Variants in AMZ1 observed in about 807,000 individuals in gnomAD.
AMZ1 encodes the protein archaelysin family metallopeptidase 1.
Under a neutral mutation model 29.9 loss-of-function variants are expected in AMZ1, and 39 were observed. That is an observed-to-expected ratio of 1.30 (90% CI 1.01 to 1.70). The LOEUF (loss-of-function observed/expected upper bound fraction) is 1.70. Ranked by LOEUF, AMZ1 falls within the 40% of genes most tolerant of loss-of-function variation. The pLI is 0.00. For synonymous variants in AMZ1, 458 were observed against 304.0 expected, an observed-to-expected ratio of 1.51 and a Z score of -5.27; for missense variants, 1,041 against 680.6, an observed-to-expected ratio of 1.53 and a Z score of -5.89.
At chr7:2,722,315 T>C (rs1010382475), downstream of AMZ1, among the ~76,000 whole-genome samples, 14 of 151,716 alleles carry the variant, frequency 9.2e-5, no homozygotes, top group Admixed American at 7.9e-4. Flanking sequence ...CTCTCTCGCC[T>C]GGGCTGGAGT....
chr7:2,689,775 C>A lies in AMZ1; in HGVS notation c.-219+1479C>A, dbSNP rs569610780. Reference sequence around the variant, plus strand: ...GGAGGGGGACACACTGTGACAGGGTCCAAAGGACAGCGAGAAACCTCCATC... The same window carrying A: ...GGAGGGGGACACACTGTGACAGGGTACAAAGGACAGCGAGAAACCTCCATC... On this transcript the variant is annotated intron_variant, in intron 1 of 6. Coordinates refer to ENST00000683327, the MANE Select transcript of AMZ1 (RefSeq NM_001384743.1). 2.2e-4 allele frequency among the ~76,000 whole-genome samples: 33 copies of A among 152,302 alleles called. No individual in the cohort carries two copies. In the South Asian group the frequency reaches 6.6e-3, roughly 31 times the overall value.
chr7:2,696,956 C>G (rs921666445), intron 1 of AMZ1, among the ~76,000 whole-genome samples: 1 of 152,114 alleles, frequency 6.6e-6, no homozygotes, highest in Non-Finnish European at 1.5e-5. Context: ...TTCTGCAAAG[C>G]AATTTGCAAT....
chr7:2,710,527 G>T (rs142756845), intron 6 of AMZ1, among the ~76,000 whole-genome samples: 1 of 152,132 alleles, frequency 6.6e-6, no homozygotes, highest in Non-Finnish European at 1.5e-5. Context: ...TGTGGTTCCC[G>T]GACCGAGCCT....
upstream of AMZ1, among the ~76,000 whole-genome samples, chr7:2,761,181 C>A (rs1791536803): frequency 6.6e-6 from 1 of 152,220 alleles, no homozygotes; most frequent in Admixed American, 6.5e-5. Flanking sequence ...AGCCACCGTG[C>A]ACGGCACTGC....
intron 1 of AMZ1, among the ~76,000 whole-genome samples, chr7:2,683,025 A>G (rs1419114697): frequency 6.6e-6 from 1 of 152,176 alleles, no homozygotes; most frequent in African/African-American, 2.4e-5. Context: ...AGCTGCAGAG[A>G]GGCCAAGCCC....
chr7:2,690,363 C>T (rs931973994), intron 1 of AMZ1, among the ~76,000 whole-genome samples: 6 of 152,222 alleles, frequency 3.9e-5, no homozygotes, highest in African/African-American at 7.2e-5. Flanking sequence ...GGACCACAGG[C>T]ATGCACAACC....
downstream of AMZ1, among the ~76,000 whole-genome samples, chr7:2,722,182 G>A (rs1789451986): frequency 6.6e-6 from 1 of 152,206 alleles, no homozygotes; most frequent in African/African-American, 2.4e-5. Context: ...GCCATGAGTA[G>A]GTGCCAAGCT....
downstream of AMZ1, among the ~76,000 whole-genome samples, chr7:2,721,572 C>T (rs893849364): frequency 2.6e-5 from 4 of 152,036 alleles, no homozygotes; most frequent in African/African-American, 7.2e-5. Flanking sequence ...AAAAATTAGC[C>T]AGGTGTGGTG....
intron 6 of AMZ1, among the ~76,000 whole-genome samples, chr7:2,711,197 C>T (rs1788752991): frequency 6.6e-6 from 1 of 152,162 alleles, no homozygotes; most frequent in Non-Finnish European, 1.5e-5. Context: ...TCCAGGGTGG[C>T]CTGGCCCTCC....
At chr7:2,699,393 C>T (rs113362572) in intron 1 of AMZ1, among the ~76,000 whole-genome samples, 11 of 152,274 alleles carry the variant, frequency 7.2e-5, no homozygotes, top group Non-Finnish European at 1.3e-4. Context: ...TGTTGAAATC[C>T]GCTGTTGCTT....
At chr7:2,724,102 T>G (rs798541), downstream of AMZ1, among the ~76,000 whole-genome samples, 105,392 of 146,904 alleles carry the variant, frequency 0.72, 37,987 homozygotes, top group Non-Finnish European at 0.74. Context: ...AGATGGGGAG[T>G]GGGGGGGCGG....
At chr7:2,694,549 C>G (rs997910084) in intron 1 of AMZ1, among the ~76,000 whole-genome samples, 4 of 151,940 alleles carry the variant, frequency 2.6e-5, no homozygotes, top group African/African-American at 9.7e-5. Context: ...TTCTGCCTCC[C>G]GAAGTACTGG....
downstream of AMZ1, among the ~76,000 whole-genome samples, chr7:2,723,553 C>T (rs536345281): frequency 1.3e-5 from 2 of 152,230 alleles, no homozygotes; most frequent in Non-Finnish European, 2.9e-5. Context: ...TGGGAGCCAG[C>T]TGTCGGACTG....
chr7:2,749,103 C>T (rs567372826), intron 4 of AMZ1, among the ~76,000 whole-genome samples: 1,652 of 152,184 alleles, frequency 0.011, 34 homozygotes, highest in African/African-American at 0.037. Flanking sequence ...GTCAGTGTGG[C>T]GATTCCTCAG....
chr7:2,690,401 G>A (rs530149689), intron 1 of AMZ1, among the ~76,000 whole-genome samples: 2 of 152,262 alleles, frequency 1.3e-5, no homozygotes, highest in African/African-American at 2.4e-5. Context: ...AAAATGTTTT[G>A]TAGAGACGGG....
chr7:2,745,121 C>G (rs1790703798), intron 4 of AMZ1, among the ~76,000 whole-genome samples: 1 of 152,134 alleles, frequency 6.6e-6, no homozygotes, highest in African/African-American at 2.4e-5. Flanking sequence ...GAAAACTTCC[C>G]CAATCTAGCA....
rs1449673960 is a variant in AMZ1, at chr7:2,708,675, A to AG, written c.562dup (p.Ala188GlyfsTer36). The AG allele has an allele frequency of 1.2e-6, 2 of 1,613,102 alleles. No individual in the cohort carries two copies. Among genetic ancestry groups the AG allele is most frequent in the Admixed American group, 3.3e-5 (2 of 60,010 alleles). On this transcript the variant is annotated frameshift_variant, in exon 4 of 7. Transcript: ENST00000683327. LOFTEE classifies it high-confidence loss of function. The stretch of plus-strand genomic sequence containing the variant: ...ACACTGTCTGACCTGTACCCCCATG[A>AG]GGCCTGGAGCTTCACCTTCAGCAAG...
chr7:2,739,127 A>C (rs969850515), intron 4 of AMZ1, among the ~76,000 whole-genome samples: 2 of 152,208 alleles, frequency 1.3e-5, no homozygotes, highest in African/African-American at 4.8e-5. Context: ...CGGGCCCCTA[A>C]AGCACCAGCC....
At chr7:2,703,803 T>C (rs1788196684) in intron 3 of AMZ1, among the ~76,000 whole-genome samples, 1 of 152,372 alleles carries the variant, frequency 6.6e-6, no homozygotes, top group African/African-American at 2.4e-5. Flanking sequence ...CTCTCTTCTC[T>C]ATAATATCTT....
Sources: allele counts gnomAD v4.1 joint callset (sites outside exome capture counted in the v4.1 genomes callset), GRCh38; gene constraint gnomAD v4.1.1; transcripts MANE v1.5; gene names NCBI Gene and HGNC (gene_info 2026-07-23, HGNC 2026-07-21).